The following LARP1 variants were observed in gnomAD, a reference collection of about 807,000 sequenced individuals.
LARP1 encodes La ribonucleoprotein 1, translational regulator.
Under a neutral mutation model 122.7 loss-of-function variants are expected in LARP1, and 36 were observed. The observed-to-expected ratio is 0.29, with a 90% confidence interval of 0.22 to 0.39. The LOEUF (loss-of-function observed/expected upper bound fraction) is 0.39, where lower values mean the gene tolerates loss of function less well. Ranked by LOEUF, LARP1 falls within the 10% of genes least tolerant of loss-of-function variation. The probability of loss-of-function intolerance (pLI) is 1.00; values close to 1 mark genes in which losing one functional copy is unlikely to be tolerated. For missense variants in LARP1, 1,040 were observed against 1,403.6 expected (o/e 0.74, Z 4.14); for synonymous variants, 539 against 528.7 (o/e 1.02, Z -0.27).
intron 1 of LARP1, among the ~76,000 whole-genome samples, chr5:154,788,929 T>C (rs1048170096): frequency 2.0e-5 from 3 of 152,166 alleles, no homozygotes; most frequent in Admixed American, 6.5e-5. Context: ...TAAAAAACTT[T>C]AGCCAGGCGT....
rs1753771222 is a variant in LARP1 at position 154,755,417 on chromosome 5, G to T, written c.-341G>T. On this transcript the variant is annotated 5_prime_UTR_variant, in exon 1 of 19. Transcript: ENST00000518297. ...GCCCCCGAGCCGGGAAGCCCGGGCC[G>T]CCCCGGGGGCGGGGGGGAGGGAGGG... Among the ~76,000 whole-genome samples the T allele has an allele frequency of 6.7e-6, 1 of 150,160 alleles. No homozygotes were observed. Among genetic ancestry groups the T allele is most frequent in the African/African-American group, 2.4e-5 (1 of 40,970 alleles).
chr5:154,750,492 G>C (rs1270422441), upstream of LARP1, among the ~76,000 whole-genome samples: 1 of 152,198 alleles, frequency 6.6e-6, no homozygotes, highest in Non-Finnish European at 1.5e-5. Flanking sequence ...GACTGATCTT[G>C]AACTCCTGGG....
In LARP1 at chr5:154,712,948, C is replaced by A. The variant is rs777819449; in HGVS notation, c.23C>A (p.Ser8Ter). 6 of 1,614,036 alleles carry A rather than the reference C, an allele frequency of 3.7e-6. No individual in the cohort carries two copies. In the African/African-American group the frequency reaches 4.0e-5, roughly 11 times the overall value. Residue 8 changes from serine (S) to a stop codon, truncating the protein, a stop_gained, in exon 1 of 19, where the codon TCA becomes TAA. Coordinates refer to the LARP1 transcript ENST00000336314. LOFTEE classifies it high-confidence loss of function. ...TCCATGCTTTGGAGGGTGCTTTTGT[C>A]AAAGAGGCCTCCTTTCCCTCACCCA...
chr5:154,775,523 C>T (rs956103086), intron 1 of LARP1, among the ~76,000 whole-genome samples: 16 of 150,954 alleles, frequency 1.1e-4, no homozygotes, highest in Admixed American at 5.3e-4. Flanking sequence ...GACTCCCCTG[C>T]GGCTTTGGTG....
intron 8 of LARP1, 98 bp from the exon 9 acceptor site, chr5:154,799,493 T>G: frequency 8.0e-7 from 1 of 1,249,740 alleles, no homozygotes; most frequent in Non-Finnish European, 1.1e-6. Flanking sequence ...AGCATTGGAC[T>G]CATACCAAGC....
Position 154,794,161 on chromosome 5 carries a change from C to T in LARP1, c.1131C>T (p.Pro377=). The change falls in exon 7 of 19, where the codon CCC becomes CCT. Residue 377 remains proline, a synonymous_variant. Coordinates refer to ENST00000518297, the MANE Select transcript of LARP1 (RefSeq NM_033551.3). The stretch of plus-strand genomic sequence containing the variant: ...ATGGTGTGGAGGGGCCTCGTACGCC[C>T]AAGTACATGAACAACATCACCTACT... ...KFDGVEGPRT[P]KYMNNITYYF... 1.9e-6 allele frequency: 3 copies of T among 1,614,186 alleles called. No homozygotes were observed. The highest frequency in any genetic ancestry group is 2.2e-5 in the East Asian group (1 of 44,886).
rs1285411931 is a variant in LARP1 at position 154,802,417 on chromosome 5, C to T, written c.2109+18C>T. ...AGATCAAGGTGAGGCTTGGACATAG[C>T]AGTGAGTGTGGAGCCTGGTGTGCCT... is the stretch of plus-strand genomic sequence containing the variant. On this transcript the variant is annotated intron_variant, in intron 11 of 18. Coordinates refer to ENST00000518297, the MANE Select transcript of LARP1 (RefSeq NM_033551.3). The surrounding 1 kb of genome is among the most constrained non-coding windows in gnomAD (Gnocchi z 5.1). The T allele has an allele frequency of 1.9e-6, 3 of 1,571,828 alleles. No homozygotes were observed. In the Admixed American group the frequency reaches 5.3e-5, roughly 28 times the overall value.
chr5:154,689,037 C>T (rs1180495571), intron 1 of LARP1, among the ~76,000 whole-genome samples: 9 of 152,204 alleles, frequency 5.9e-5, no homozygotes, highest in Admixed American at 2.0e-4. Flanking sequence ...AAACATTTTG[C>T]GCCGGGCGCA....
In LARP1 at chr5:154,793,681, C is replaced by A. The variant is rs748050914; in HGVS notation, c.826C>A (p.Pro276Thr). The change falls in exon 5 of 19, where the codon CCG becomes ACG. Residue 276 changes from proline (P) to threonine (T), a missense_variant. This residue lies in a region of LARP1 where 178 missense variants were observed against 178.3 expected (regional missense o/e 1.00). Transcript: ENST00000518297. ...ACTGGCTTCACGCCCCACTCGCCCA[C>A]CGGAGCCTAGACACATACCTGCCAA... ...EKLASRPTRP[P>T]EPRHIPANRG... 8 of 1,614,070 alleles carry A rather than the reference C, an allele frequency of 5.0e-6. No individual in the cohort carries two copies. Among genetic ancestry groups the A allele is most frequent in the Non-Finnish European group, 6.8e-6 (8 of 1,180,022 alleles).
At chr5:154,729,945 C>G (rs774448829) in intron 1 of LARP1, among the ~76,000 whole-genome samples, 5 of 152,174 alleles carry the variant, frequency 3.3e-5, no homozygotes, top group Non-Finnish European at 5.9e-5. Flanking sequence ...TGCATGACTA[C>G]AACTGCATGA....
chr5:154,744,616 A>ATTTTTTTTTTTTTT (rs748853573), intron 1 of LARP1, among the ~76,000 whole-genome samples: 3 of 71,994 alleles, frequency 4.2e-5, no homozygotes, highest in Non-Finnish European at 5.7e-5. Flanking sequence ...TGGATATGCA[A>ATTTTTTTTTTTTTT]TTTTTTTTTT....
At chr5:154,726,791 A>C (rs1756240989) in intron 1 of LARP1, among the ~76,000 whole-genome samples, 1 of 152,250 alleles carries the variant, frequency 6.6e-6, no homozygotes, top group African/African-American at 2.4e-5. Context: ...TCACAGATCC[A>C]CATGGCTGGG....
At position 154,713,056 on chromosome 5, in the gene LARP1, C is replaced by T. The variant is rs148235669; in HGVS notation, c.131C>T (p.Ala44Val). 2.8e-3 allele frequency: 4,520 copies of T among 1,614,162 alleles called. 12 individuals carry two copies. Among genetic ancestry groups the T allele is most frequent in the Middle Eastern group, 4.0e-3 (24 of 6,054 alleles). ...AAAAACAGCGTGGCCTTGGCAGCTG[C>T]CCCGAGGAAGGAGCCCACAGGTGAC... Residue 44 changes from alanine to valine, a missense_variant, in exon 1 of 19, where the codon GCC (alanine) becomes GTC (valine). Ala to Val is a moderately conservative substitution (Grantham distance 64). Coordinates refer to the LARP1 transcript ENST00000336314.
intron 1 of LARP1, among the ~76,000 whole-genome samples, chr5:154,780,660 C>G (rs1756350402): frequency 6.6e-6 from 1 of 152,204 alleles, no homozygotes; most frequent in South Asian, 2.1e-4. Context: ...CTGACTTGGT[C>G]TGGGATCACC....
At chr5:154,764,442 T>TA (rs1055561055) in intron 1 of LARP1, among the ~76,000 whole-genome samples, 6 of 147,860 alleles carry the variant, frequency 4.1e-5, no homozygotes, top group East Asian at 4.0e-4. Context: ...CCCATCTCTT[T>TA]AAAAAAAAAT....
At chr5:154,775,984 G>A (rs1755850404) in intron 1 of LARP1, among the ~76,000 whole-genome samples, 1 of 152,218 alleles carries the variant, frequency 6.6e-6, no homozygotes, top group Non-Finnish European at 1.5e-5. Context: ...TGCCTAGTAA[G>A]TGGTGGCCAT....
intron 1 of LARP1, among the ~76,000 whole-genome samples, chr5:154,776,580 C>T (rs1239571107): frequency 6.6e-6 from 1 of 152,218 alleles, no homozygotes; most frequent in Non-Finnish European, 1.5e-5. Context: ...ATTGGCAGCT[C>T]AGTTCTTAAA....
intron 1 of LARP1, among the ~76,000 whole-genome samples, chr5:154,786,255 G>C (rs541292235): frequency 6.6e-6 from 1 of 152,228 alleles, no homozygotes; most frequent in South Asian, 2.1e-4. Flanking sequence ...TGGCCAGGCT[G>C]GTCTCTAACT....
intron 1 of LARP1, among the ~76,000 whole-genome samples, chr5:154,748,717 A>T (rs1204965157): frequency 3.3e-5 from 5 of 152,244 alleles, no homozygotes; most frequent in Non-Finnish European, 5.9e-5. Context: ...AGGCTCACTG[A>T]AGCTCTATGA....
Sources: gnomAD v4.1 joint callset for allele counts (sites outside exome capture counted in the v4.1 genomes callset) on GRCh38, gnomAD v4.1.1 for gene constraint, gnomAD v4.1.1 regional missense constraint, Gnocchi (gnomAD v3.1) non-coding constraint, MANE v1.5 for transcripts, NCBI Gene and HGNC (gene_info 2026-07-23, HGNC 2026-07-21) for gene names.